The following CLCN3 variants were observed in gnomAD, a reference collection of about 807,000 sequenced individuals.
CLCN3 encodes the protein H(+)/Cl(-) exchange transporter 3.
Under a neutral mutation model 83.4 loss-of-function variants are expected in CLCN3, and 16 were observed. The observed-to-expected ratio is 0.19, with a 90% CI of 0.13 to 0.29. The LOEUF (loss-of-function observed/expected upper bound fraction) is 0.29, where lower values mean the gene tolerates loss of function less well. Among genes scored for constraint, CLCN3 ranks in the 10% least tolerant of loss-of-function variants. The pLI is 1.00. For synonymous variants in CLCN3, 322 were observed against 346.2 expected, an observed-to-expected ratio of 0.93 and a Z score of 0.78; for missense variants, 544 against 1,006.0, an observed-to-expected ratio of 0.54 and a Z score of 6.21.
chr4:169,698,589 C>T (rs759789569), intron 9 of CLCN3, among the ~76,000 whole-genome samples: 10 of 152,116 alleles, frequency 6.6e-5, no homozygotes, highest in Non-Finnish European at 1.2e-4. Flanking sequence ...AGAGGCCCGA[C>T]CACATTCAGA....
intron 1 of CLCN3, among the ~76,000 whole-genome samples, chr4:169,635,683 T>C (rs751168388): frequency 6.6e-6 from 1 of 152,080 alleles, no homozygotes; most frequent in Non-Finnish European, 1.5e-5. Context: ...ATTTTTCAAC[T>C]TAACAATTGG....
intron 12 of CLCN3, 64 bp downstream of exon 12, chr4:169,713,359 T>C: frequency 3.8e-6 from 5 of 1,300,250 alleles, no homozygotes; most frequent in Middle Eastern, 2.3e-4. Context: ...TAGTGGAATC[T>C]ATATAGTTAT....
chr4:169,630,331 C>T lies in CLCN3; in HGVS notation c.-16-5582C>T, dbSNP rs565540175. The stretch of plus-strand genomic sequence containing the variant: ...TCAGTGACTATTGTTGCCATCTGTA[C>T]ATCTGTGAGTACCTGATGTTAAAGC... On this transcript the variant is annotated intron_variant, in intron 1 of 12. Coordinates refer to ENST00000513761, the MANE Select transcript of CLCN3 (RefSeq NM_001829.4). Among the ~76,000 whole-genome samples, 53 of 152,156 alleles carry T rather than the reference C, an allele frequency of 3.5e-4. 1 individual carries two copies. The highest frequency in any genetic ancestry group is 1.2e-3 in the African/African-American group (49 of 41,524).
At chr4:169,702,257 A>G (rs2150261208) in intron 9 of CLCN3, among the ~76,000 whole-genome samples, 1 of 152,234 alleles carries the variant, frequency 6.6e-6, no homozygotes, top group East Asian at 1.9e-4. Context: ...TGCCCTGCTC[A>G]TGCCTGACTA....
At chr4:169,715,325 G>T (rs1733383497) in intron 12 of CLCN3, among the ~76,000 whole-genome samples, 1 of 152,140 alleles carries the variant, frequency 6.6e-6, no homozygotes, top group African/African-American at 2.4e-5. Flanking sequence ...ATGAAAAAAG[G>T]GGTTGGACTT....
chr4:169,638,686 C>T (rs544920794), intron 2 of CLCN3, among the ~76,000 whole-genome samples: 4 of 152,096 alleles, frequency 2.6e-5, no homozygotes, highest in South Asian at 2.1e-4. Context: ...CCCACGTTGC[C>T]GTCAAGTGCT....
At chr4:169,701,779 A>G (rs1246773517) in intron 9 of CLCN3, among the ~76,000 whole-genome samples, 2 of 152,222 alleles carry the variant, frequency 1.3e-5, no homozygotes, top group African/African-American at 4.8e-5. Flanking sequence ...GCATCTTGGA[A>G]GACAAGTGCC....
At chr4:169,657,232 A>G (rs1476532373) in intron 2 of CLCN3, among the ~76,000 whole-genome samples, 7 of 152,304 alleles carry the variant, frequency 4.6e-5, no homozygotes, top group Admixed American at 3.9e-4. Flanking sequence ...AAAATCAAAT[A>G]TCTTGTGTTT....
rs376266924 is a variant in CLCN3, at chr4:169,717,763, A to G, written c.2367-2144A>G. On this transcript the variant is annotated intron_variant, in intron 12 of 12. Coordinates refer to ENST00000513761, the MANE Select transcript of CLCN3 (RefSeq NM_001829.4). ...AAACTCTTTTAATTTAATTTCTCACACAGTTATTAGCATAATAATCTGTTT... is the reference window on the plus strand; with the variant it reads ...AAACTCTTTTAATTTAATTTCTCACGCAGTTATTAGCATAATAATCTGTTT... The G allele has an allele frequency of 3.6e-6, 5 of 1,403,732 alleles. No individual in the cohort carries two copies. The African/African-American group carries it at 4.3e-5, about 12-fold the overall frequency. 87.0% of individuals were successfully genotyped at this position (1,403,732 alleles called of 1,614,324 possible). A position where few individuals can be genotyped will look rare whatever the true frequency, so the allele number is the denominator to read the frequency against.
intron 3 of CLCN3, among the ~76,000 whole-genome samples, chr4:169,682,539 C>G (rs1485137944): frequency 6.6e-6 from 1 of 152,162 alleles, no homozygotes; most frequent in African/African-American, 2.4e-5. Context: ...TTATGCAACT[C>G]AAATAAATTA....
At chr4:169,665,710 A>AT (rs1038344388) in intron 2 of CLCN3, among the ~76,000 whole-genome samples, 29 of 152,076 alleles carry the variant, frequency 1.9e-4, no homozygotes, top group South Asian at 4.1e-4. Flanking sequence ...TCCTTCCATA[A>AT]TTTTTTTAAA....
intron 2 of CLCN3, among the ~76,000 whole-genome samples, chr4:169,651,322 T>C (rs575728596): frequency 2.6e-5 from 4 of 152,246 alleles, no homozygotes; most frequent in African/African-American, 7.2e-5. Flanking sequence ...CTTGGGAGAA[T>C]TGAGAAAATT....
In CLCN3 at chr4:169,703,995, T is replaced by C. The variant is rs772262087; in HGVS notation, c.1564-3T>C. 3.7e-6 allele frequency: 6 copies of C among 1,613,830 alleles called. No individual in the cohort carries two copies. Among genetic ancestry groups the C allele is most frequent in the South Asian group, 3.3e-5 (3 of 91,076 alleles). On this transcript the variant is annotated splice_region_variant and splice_polypyrimidine_tract_variant and intron_variant, in intron 9 of 12. Coordinates refer to ENST00000513761, the MANE Select transcript of CLCN3 (RefSeq NM_001829.4). Reference sequence around the variant, plus strand: ...TCCATAAAGAGTTCTGTTGTTGTTATAGGTTCCATCAGGCTTGTTCATCCC... The same window carrying C: ...TCCATAAAGAGTTCTGTTGTTGTTACAGGTTCCATCAGGCTTGTTCATCCC...
chr4:169,662,153 G>A (rs1489222098), intron 2 of CLCN3, among the ~76,000 whole-genome samples: 3 of 152,134 alleles, frequency 2.0e-5, no homozygotes, highest in Non-Finnish European at 2.9e-5. Context: ...CATGGTTACT[G>A]ATATTACCTA....
intron 2 of CLCN3, 47 bp downstream of exon 2, chr4:169,636,135 T>C (rs1773495707): frequency 1.3e-6 from 2 of 1,504,618 alleles, no homozygotes; most frequent in Non-Finnish European, 1.8e-6. Flanking sequence ...GAATATCCAC[T>C]AATAAATATG....
At chr4:169,648,298 A>G (rs1443531067) in intron 2 of CLCN3, among the ~76,000 whole-genome samples, 3 of 152,246 alleles carry the variant, frequency 2.0e-5, no homozygotes, top group Admixed American at 6.5e-5. Context: ...GAAACTATGA[A>G]TGAGAGGTAT....
intron 1 of CLCN3, among the ~76,000 whole-genome samples, chr4:169,623,495 C>T (rs1416474912): frequency 1.3e-5 from 2 of 152,180 alleles, no homozygotes; most frequent in African/African-American, 4.8e-5. Context: ...CATCATATCA[C>T]CTACTTGCCA....
intron 12 of CLCN3, chr4:169,717,825 A>G: frequency 6.2e-7 from 1 of 1,613,312 alleles, no homozygotes; most frequent in South Asian, 1.1e-5. Context: ...AGAAGAACAT[A>G]TTAGAGCATC....
At position 169,700,539 on chromosome 4, in the gene CLCN3, G is replaced by A. The variant is rs567151070; in HGVS notation, c.1563+2805G>A. On this transcript the variant is annotated intron_variant, in intron 9 of 12. Coordinates refer to ENST00000513761, the MANE Select transcript of CLCN3 (RefSeq NM_001829.4). ...GGCCTCCCAGAGTGCTAGGATTATA[G>A]GTGTGAGCCACTGAACCTGGCCTCT... is the stretch of plus-strand genomic sequence containing the variant. 2.0e-5 allele frequency among the ~76,000 whole-genome samples: 3 copies of A among 152,202 alleles called. No homozygotes were observed. The East Asian group carries it at 5.8e-4, about 29-fold the overall frequency.
Sources: gnomAD v4.1 joint callset for allele counts (sites outside exome capture counted in the v4.1 genomes callset) on GRCh38, gnomAD v4.1.1 for gene constraint, MANE v1.5 for transcripts, NCBI Gene and HGNC (gene_info 2026-07-23, HGNC 2026-07-21) for gene names.